LAMC1: variants seen among roughly 807,000 people sequenced by gnomAD.
The protein encoded by LAMC1 is laminin subunit gamma 1.
LAMC1 carries 38 observed loss-of-function variants against 173.6 expected under a neutral mutation model. That is an observed-to-expected ratio of 0.22 (90% CI 0.17 to 0.29). LAMC1 has a LOEUF of 0.29. LAMC1 is among the 10% of genes least tolerant of loss of function. The pLI, the probability that LAMC1 is intolerant of heterozygous loss-of-function variation, is 1.00. For missense variants in LAMC1, 1,824 were observed against 2,051.8 expected, an observed-to-expected ratio of 0.89 and a Z score of 2.14; for synonymous variants, 746 against 749.1, an observed-to-expected ratio of 1.00 and a Z score of 0.07.
chr1:183,104,491 A>G (rs1339655157), intron 2 of LAMC1, among the ~76,000 whole-genome samples: 3 of 152,234 alleles, frequency 2.0e-5, no homozygotes, highest in Non-Finnish European at 4.4e-5. Flanking sequence ...CAACAACCAC[A>G]TGGGGATAGC....
chr1:183,075,643 GT>G (rs1655106078), intron 1 of LAMC1, among the ~76,000 whole-genome samples: 1 of 152,170 alleles, frequency 6.6e-6, no homozygotes, highest in African/African-American at 2.4e-5. Flanking sequence ...TAAATATAGT[GT>G]TTTTAATATT....
At chr1:183,075,836 ACT>A (rs921527128) in intron 1 of LAMC1, among the ~76,000 whole-genome samples, 45 of 152,086 alleles carry the variant, frequency 3.0e-4, no homozygotes, top group African/African-American at 1.1e-3. Flanking sequence ...ATGGAGCAAA[ACT>A]CTCATATTCT....
intron 18 of LAMC1, among the ~76,000 whole-genome samples, 200 bp from the exon 19 acceptor site, chr1:183,130,144 G>C (rs556997788): frequency 1.3e-5 from 2 of 152,148 alleles, no homozygotes; most frequent in Non-Finnish European, 2.9e-5. Context: ...ATGGACGCAC[G>C]GTTGGAGGTG....
intron 25 of LAMC1, 79 bp downstream of exon 25, chr1:183,136,664 A>G: frequency 8.1e-7 from 1 of 1,234,976 alleles, no homozygotes. Flanking sequence ...AGACCCTCAG[A>G]GCCCTTGCAG....
chr1:183,128,588 G>C lies in LAMC1; in HGVS notation c.3124-6G>C, dbSNP rs748043469. On this transcript the variant is annotated splice_polypyrimidine_tract_variant and splice_region_variant and intron_variant, in intron 17 of 27. Transcript: ENST00000258341. ...CCTTTCCCTTTTCTTTCTTCTTTATGTTTAGGTTGCTGATCATAGAGTGAA... is the reference window on the plus strand; with the variant it reads ...CCTTTCCCTTTTCTTTCTTCTTTATCTTTAGGTTGCTGATCATAGAGTGAA... The C allele has an allele frequency of 8.1e-6, 13 of 1,599,870 alleles. No individual in the cohort carries two copies. Among genetic ancestry groups the C allele is most frequent in the Non-Finnish European group, 1.7e-6 (2 of 1,171,500 alleles).
At chr1:183,049,463 GTT>G (rs67306811) in intron 1 of LAMC1, among the ~76,000 whole-genome samples, 14 of 143,618 alleles carry the variant, frequency 9.7e-5, no homozygotes, top group Admixed American at 2.7e-4. Flanking sequence ...AGGTTTTTTT[GTT>G]TTTTTTTTTT....
At chr1:183,028,787 T>G (rs1653761881) in intron 1 of LAMC1, among the ~76,000 whole-genome samples, 1 of 152,268 alleles carries the variant, frequency 6.6e-6, no homozygotes, top group African/African-American at 2.4e-5. Flanking sequence ...TTTCATGCTG[T>G]TCACGCTTCG....
rs181077276 is a variant in LAMC1 at position 183,087,022 on chromosome 1, A to T, written c.419-16306A>T. ...GTATAAACTCTTTATTTTACACTTA[A>T]GAAAATTGAGGTATGGCTGCTCCTT... On this transcript the variant is annotated intron_variant, in intron 1 of 27. Coordinates refer to ENST00000258341, the MANE Select transcript of LAMC1 (RefSeq NM_002293.4). 2.0e-5 allele frequency among the ~76,000 whole-genome samples: 3 copies of T among 152,346 alleles called. No individual in the cohort carries two copies. In the East Asian group the frequency reaches 5.8e-4, roughly 29 times the overall value.
chr1:183,066,358 G>T (rs1444244234), intron 1 of LAMC1, among the ~76,000 whole-genome samples: 3 of 152,212 alleles, frequency 2.0e-5, no homozygotes, highest in Non-Finnish European at 4.4e-5. Context: ...CTGTTGATGG[G>T]AGTGTAAATT....
chr1:183,055,896 T>C (rs1654579454), intron 1 of LAMC1, among the ~76,000 whole-genome samples: 1 of 152,238 alleles, frequency 6.6e-6, no homozygotes, highest in African/African-American at 2.4e-5. Flanking sequence ...TTGATGATTA[T>C]TTTTCATGAG....
chr1:183,117,201 G>A, intron 8 of LAMC1, 119 bp from the exon 9 acceptor site: 2 of 1,079,508 alleles, frequency 1.9e-6, no homozygotes, highest in African/African-American at 1.6e-5. Flanking sequence ...ATTCAAAAAG[G>A]TTTATTGATG....
chr1:183,100,241 C>G (rs1434647331), intron 1 of LAMC1, among the ~76,000 whole-genome samples: 1 of 152,236 alleles, frequency 6.6e-6, no homozygotes, highest in African/African-American at 2.4e-5. Context: ...TCCTGGATTA[C>G]TGCCACATCT....
chr1:183,117,977 C>A, intron 10 of LAMC1, 57 bp from the exon 11 acceptor site: 1 of 1,024,414 alleles, frequency 9.8e-7, no homozygotes, highest in Non-Finnish European at 1.5e-6. Flanking sequence ...AGAAATATTT[C>A]CCCAACATCC....
intron 1 of LAMC1, among the ~76,000 whole-genome samples, chr1:183,095,757 G>A (rs910987119): frequency 1.3e-5 from 2 of 152,162 alleles, no homozygotes; most frequent in East Asian, 1.9e-4. Flanking sequence ...GAAGCATGGG[G>A]TTTGGGTTAA....
chr1:183,075,788 A>G (rs1184296075), intron 1 of LAMC1, among the ~76,000 whole-genome samples: 1 of 152,196 alleles, frequency 6.6e-6, no homozygotes, highest in Non-Finnish European at 1.5e-5. Context: ...GTTAGTTTGT[A>G]TAGTAGAGTG....
intron 1 of LAMC1, among the ~76,000 whole-genome samples, chr1:183,098,181 C>G (rs1655742586): frequency 6.6e-6 from 1 of 152,130 alleles, no homozygotes; most frequent in Non-Finnish European, 1.5e-5. Context: ...ACTGGATCTT[C>G]TTACTTTGTC....
rs374421707 is a variant in LAMC1, at chr1:183,084,129, C to T, written c.419-19199C>T. On this transcript the variant is annotated intron_variant, in intron 1 of 27. Coordinates refer to ENST00000258341, the MANE Select transcript of LAMC1 (RefSeq NM_002293.4). ...CAGCATTATGGGAGGCTGAGGTGGG[C>T]GGATCACAAGGTCAGGAGATCGAGA... 3.1e-3 allele frequency among the ~76,000 whole-genome samples: 468 copies of T among 152,042 alleles called. 2 individuals are homozygous for T. The highest frequency in any genetic ancestry group is 0.011 in the African/African-American group (446 of 41,488).
At chr1:183,086,505 G>A (rs1264909002) in intron 1 of LAMC1, among the ~76,000 whole-genome samples, 1 of 135,730 alleles carries the variant, frequency 7.4e-6, no homozygotes, top group African/African-American at 2.5e-5. Flanking sequence ...GATGTGGATA[G>A]AGATGCTGGA....
At chr1:183,086,851 T>G (rs1235350238) in intron 1 of LAMC1, among the ~76,000 whole-genome samples, 1 of 152,208 alleles carries the variant, frequency 6.6e-6, no homozygotes, top group African/African-American at 2.4e-5. Flanking sequence ...TCAGTTCCTG[T>G]GGCATTTTAG....
Sources: gnomAD v4.1 joint callset for allele counts (sites outside exome capture counted in the v4.1 genomes callset) on GRCh38, gnomAD v4.1.1 for gene constraint, MANE v1.5 for transcripts, NCBI Gene and HGNC (gene_info 2026-07-23, HGNC 2026-07-21) for gene names.